The following RALGAPB variants were observed in gnomAD, a reference collection of about 807,000 sequenced individuals.
RALGAPB encodes the protein Ral GTPase activating protein non-catalytic subunit beta, also known as ral GTPase-activating protein subunit beta.
Under a neutral mutation model 161.1 loss-of-function variants are expected in RALGAPB, and 25 were observed. The ratio of observed to expected loss-of-function variants is 0.16; its 90% CI spans 0.11 to 0.22. The LOEUF (loss-of-function observed/expected upper bound fraction) is 0.22. Ranked by LOEUF, RALGAPB falls within the 10% of genes least tolerant of loss-of-function variation. The probability of loss-of-function intolerance (pLI) is 1.00; values close to 1 mark genes in which losing one functional copy is unlikely to be tolerated. For synonymous variants in RALGAPB, 629 were observed against 626.1 expected, an observed-to-expected ratio of 1.00 and a Z score of -0.07; for missense variants, 1,391 against 1,815.2, an observed-to-expected ratio of 0.77 and a Z score of 4.25.
At chr20:38,567,604 A>G (rs2088055436) in intron 26 of RALGAPB, among the ~76,000 whole-genome samples, 1 of 152,202 alleles carries the variant, frequency 6.6e-6, no homozygotes, top group Non-Finnish European at 1.5e-5. Context: ...CTGACCATAT[A>G]AAAATAGGAA....
chr20:38,519,046 G>C (rs2086214618), intron 9 of RALGAPB, among the ~76,000 whole-genome samples: 2 of 151,968 alleles, frequency 1.3e-5, no homozygotes, highest in African/African-American at 4.8e-5. Flanking sequence ...TAATTATTTT[G>C]AATATTCTTA....
chr20:38,568,258 A>G (rs1272772178), intron 26 of RALGAPB, among the ~76,000 whole-genome samples: 1 of 145,944 alleles, frequency 6.9e-6, no homozygotes, highest in African/African-American at 2.8e-5. Context: ...CAAAAAAACA[A>G]AAACAAAAAA....
chr20:38,546,247 A>G lies in RALGAPB; in HGVS notation c.2719A>G (p.Met907Val). The change falls in exon 19 of 30, where the codon ATG becomes GTG. Residue 907 changes from methionine (M) to valine (V), a missense_variant. Met to Val is a conservative substitution (Grantham distance 21). Transcript: ENST00000262879. ...DAAEATLTCI[M>V]QLLGAFPSPS... ...TATCTTTTCCATTCTCCATAGCATT[A>G]TGCAGTTGCTCGGCGCATTTCCTTC... The G allele has an allele frequency of 6.2e-7, 1 of 1,614,096 alleles. No individual in the cohort carries two copies. Among genetic ancestry groups the G allele is most frequent in the Non-Finnish European group, 8.5e-7 (1 of 1,179,942 alleles).
rs1017362284 is a variant in RALGAPB, at chr20:38,535,418, G to T, written c.2379+211G>T. On this transcript the variant is annotated intron_variant, in intron 16 of 29. Coordinates refer to ENST00000262879, the MANE Select transcript of RALGAPB (RefSeq NM_020336.4). ...AAATAGGTTCAAAGAGTATGAATGAGATTTTTACCGTTAAATTATAGGAAA... is the reference window on the plus strand; with the variant it reads ...AAATAGGTTCAAAGAGTATGAATGATATTTTTACCGTTAAATTATAGGAAA... Among the ~76,000 whole-genome samples, 26 of 152,210 alleles carry T rather than the reference G, an allele frequency of 1.7e-4. No individual in the cohort carries two copies. The Middle Eastern group carries it at 0.01, about 60-fold the overall frequency.
intron 2 of RALGAPB, among the ~76,000 whole-genome samples, chr20:38,490,953 T>C (rs1046663689): frequency 6.6e-6 from 1 of 152,240 alleles, no homozygotes; most frequent in African/African-American, 2.4e-5. Context: ...CCTAGAATTA[T>C]AAAATTAAAC....
At chr20:38,539,709 A>G in intron 16 of RALGAPB, 67 bp from the exon 17 acceptor site, 3 of 1,509,234 alleles carry the variant, frequency 2.0e-6, no homozygotes, top group Non-Finnish European at 1.8e-6. Context: ...GCTTCAGTGC[A>G]AATGCTTTGA....
At chr20:38,490,115 T>C (rs897121638) in intron 2 of RALGAPB, among the ~76,000 whole-genome samples, 1 of 151,974 alleles carries the variant, frequency 6.6e-6, no homozygotes, top group African/African-American at 2.4e-5. Flanking sequence ...GTTCAAGCGA[T>C]TCTTCTGCCT....
Position 38,546,288 on chromosome 20 carries a change from C to A in RALGAPB, c.2760C>A (p.Ala920=). 6.2e-7 allele frequency: 1 copy of A among 1,614,124 alleles called. No individual in the cohort carries two copies. The highest frequency in any genetic ancestry group is 1.7e-5 in the Admixed American group (1 of 60,012). The change falls in exon 19 of 30, where the codon GCC becomes GCA. Residue 920 remains alanine (A), a synonymous_variant. Coordinates refer to ENST00000262879, the MANE Select transcript of RALGAPB (RefSeq NM_020336.4). ...LGAFPSPSGP[A]SPCSLVNETT... ...CATTTCCTTCACCTAGTGGTCCTGC[C>A]TCTCCTTGTAGTCTTGTGAATGAGA...
intron 23 of RALGAPB, 102 bp downstream of exon 23, chr20:38,558,555 C>T: frequency 8.7e-7 from 1 of 1,142,954 alleles, no homozygotes; most frequent in Non-Finnish European, 1.2e-6. Context: ...TTTATTTGGG[C>T]CAGAGTTGAG....
chr20:38,521,478 C>A lies in RALGAPB; in HGVS notation c.1418-19C>A, dbSNP rs796220740. The A allele has an allele frequency of 2.5e-6, 4 of 1,613,700 alleles. No homozygotes were observed. The African/African-American group carries it at 5.3e-5, about 22-fold the overall frequency. ...TGGCATATTGCAAATATAATAAAACCCTCCTTTTCTCTCCCCAGCCATTAC... is the reference window on the plus strand; with the variant it reads ...TGGCATATTGCAAATATAATAAAACACTCCTTTTCTCTCCCCAGCCATTAC... On this transcript the variant is annotated intron_variant, in intron 9 of 29. Coordinates refer to ENST00000262879, the MANE Select transcript of RALGAPB (RefSeq NM_020336.4).
chr20:38,532,255 C>T (rs1384494623), intron 14 of RALGAPB, among the ~76,000 whole-genome samples: 1 of 152,180 alleles, frequency 6.6e-6, no homozygotes, highest in East Asian at 1.9e-4. Flanking sequence ...GATGGGGTTT[C>T]ACTGTGTTAG....
At chr20:38,525,800 C>A in intron 12 of RALGAPB, 95 bp from the exon 13 acceptor site, 1 of 1,292,850 alleles carries the variant, frequency 7.7e-7, no homozygotes, top group Non-Finnish European at 1.1e-6. Context: ...GAAAGCCTTT[C>A]TCATTATACT....
intron 18 of RALGAPB, among the ~76,000 whole-genome samples, chr20:38,541,899 A>C (rs1353821278): frequency 2.6e-5 from 4 of 152,210 alleles, no homozygotes; most frequent in Non-Finnish European, 4.4e-5. Context: ...TGCAAGCCAG[A>C]GTACAGGGTG....
At chr20:38,512,250 C>G (rs2085983277) in intron 6 of RALGAPB, among the ~76,000 whole-genome samples, 1 of 152,200 alleles carries the variant, frequency 6.6e-6, no homozygotes, top group Non-Finnish European at 1.5e-5. Flanking sequence ...GAATATTTCA[C>G]TGATTCTTCT....
chr20:38,521,354 T>C lies in RALGAPB; in HGVS notation c.1418-143T>C, dbSNP rs772830410. Reference sequence around the variant, plus strand: ...TTTCAGAGAGCCCTTTTTAAAAATATTAAGACATAGTTGCTAAACAAAAGC... The same window carrying C: ...TTTCAGAGAGCCCTTTTTAAAAATACTAAGACATAGTTGCTAAACAAAAGC... On this transcript the variant is annotated intron_variant, in intron 9 of 29. Coordinates refer to ENST00000262879, the MANE Select transcript of RALGAPB (RefSeq NM_020336.4). The C allele has an allele frequency of 2.9e-4, 390 of 1,342,378 alleles. 1 individual carries two copies. Among genetic ancestry groups the C allele is most frequent in the Non-Finnish European group, 3.5e-4 (350 of 1,010,898 alleles). The allele number at this position is 1,342,378 out of a possible 1,614,324, so 83.2% of individuals were successfully genotyped here.
chr20:38,507,520 T>G (rs1363002239), intron 5 of RALGAPB, among the ~76,000 whole-genome samples: 2 of 151,846 alleles, frequency 1.3e-5, no homozygotes, highest in Non-Finnish European at 2.9e-5. Flanking sequence ...GAGCTACAGG[T>G]TCATGCCACC....
rs556261596 is a variant in RALGAPB, at chr20:38,535,506, A to G, written c.2379+299A>G. ...ACTAGAATGCATATTGATTTTGTAA[A>G]AAATGATTATCCTAATGTATGCCAT... On this transcript the variant is annotated intron_variant, in intron 16 of 29. Transcript: ENST00000262879. 2.0e-5 allele frequency among the ~76,000 whole-genome samples: 3 copies of G among 152,312 alleles called. No homozygotes were observed. The South Asian group carries it at 6.2e-4, about 32-fold the overall frequency.
chr20:38,545,389 A>G (rs1344457180), intron 18 of RALGAPB, among the ~76,000 whole-genome samples: 1 of 152,204 alleles, frequency 6.6e-6, no homozygotes, highest in Non-Finnish European at 1.5e-5. Context: ...CCTATCAGAT[A>G]GGTACCATTA....
Position 38,558,376 on chromosome 20 carries a change from C to T in RALGAPB, c.3454C>T (p.Leu1152=), listed in dbSNP as rs770047667. The T allele has an allele frequency of 1.4e-5, 23 of 1,608,418 alleles. No homozygotes were observed. Among genetic ancestry groups the T allele is most frequent in the Non-Finnish European group, 1.8e-5 (21 of 1,176,482 alleles). Residue 1152 remains leucine, a synonymous_variant, in exon 23 of 30, where the codon CTG becomes TTG. Transcript: ENST00000262879. ...IPGFFDDIGY[L]DLLPCRPFDT... is the part of the protein sequence containing the mutation. Reference sequence around the variant, plus strand: ...TGGATTTTTTGATGACATTGGGTATCTGGATCTCTTGCCATGTCGTCCTTT... The same window carrying T: ...TGGATTTTTTGATGACATTGGGTATTTGGATCTCTTGCCATGTCGTCCTTT...
Sources: gnomAD v4.1 joint callset for allele counts (sites outside exome capture counted in the v4.1 genomes callset) on GRCh38, gnomAD v4.1.1 for gene constraint, MANE v1.5 for transcripts, NCBI Gene and HGNC (gene_info 2026-07-23, HGNC 2026-07-21) for gene names.